Variants in CLSTN2 observed in about 807,000 individuals in gnomAD.
The protein encoded by CLSTN2 is calsyntenin-2.
Under a neutral mutation model 101.2 loss-of-function variants are expected in CLSTN2, and 48 were observed. The observed-to-expected ratio is 0.47, with a 90% CI of 0.38 to 0.60. The LOEUF is 0.60. Ranked by LOEUF, CLSTN2 falls within the 20% of genes least tolerant of loss-of-function variation. CLSTN2 has a pLI of 0.00. For synonymous variants in CLSTN2, 481 were observed against 463.6 expected (o/e 1.04, Z -0.48); for missense variants, 1,160 against 1,238.2 (o/e 0.94, Z 0.95).
chr3:140,266,792 C>G (rs912161046), intron 2 of CLSTN2, among the ~76,000 whole-genome samples: 2 of 152,138 alleles, frequency 1.3e-5, no homozygotes, highest in Non-Finnish European at 2.9e-5. Flanking sequence ...AGACCCAAGC[C>G]GTGGGTCCAT....
intron 9 of CLSTN2, among the ~76,000 whole-genome samples, chr3:140,543,116 G>A (rs1444516451): frequency 6.6e-6 from 1 of 152,120 alleles, no homozygotes; most frequent in African/African-American, 2.4e-5. Context: ...CATGGTGTTG[G>A]GTACATATTG....
At chr3:140,262,274 C>G (rs1324596131) in intron 2 of CLSTN2, among the ~76,000 whole-genome samples, 1 of 152,170 alleles carries the variant, frequency 6.6e-6, no homozygotes, top group Non-Finnish European at 1.5e-5. Flanking sequence ...AGTGGTGAAG[C>G]TGGCCTTCCA....
At chr3:140,441,579 G>T (rs1386819697) in intron 5 of CLSTN2, among the ~76,000 whole-genome samples, 1 of 152,244 alleles carries the variant, frequency 6.6e-6, no homozygotes, top group African/African-American at 2.4e-5. Flanking sequence ...CTGGTAAGCA[G>T]AGAAGGCAGG....
chr3:140,025,211 C>A (rs1304705994), intron 1 of CLSTN2, among the ~76,000 whole-genome samples: 1 of 152,186 alleles, frequency 6.6e-6, no homozygotes, highest in South Asian at 2.1e-4. Flanking sequence ...CTCTTGGATA[C>A]ATCAGAAATG....
In CLSTN2 at chr3:140,394,209, G is replaced by A. The variant is rs114096743; in HGVS notation, c.233-9420G>A. Among the ~76,000 whole-genome samples the A allele has an allele frequency of 4.4e-3, 367 of 83,142 alleles. 2 individuals are homozygous for A. Among genetic ancestry groups the A allele is most frequent in the African/African-American group, 0.011 (346 of 32,322 alleles). 54.5% of individuals were successfully genotyped at this position (83,142 alleles called of 152,430 possible). A position where few individuals can be genotyped will look rare whatever the true frequency, so the allele number is the denominator to read the frequency against. ...AAAAGAAAGTTCTATTCTGATTGTC[G>A]TATGATGACCATAGGACAATGGTTT... On this transcript the variant is annotated intron_variant, in intron 2 of 16. Transcript: ENST00000458420.
chr3:140,151,889 C>A (rs2009873244), intron 1 of CLSTN2, among the ~76,000 whole-genome samples: 1 of 152,088 alleles, frequency 6.6e-6, no homozygotes, highest in Admixed American at 6.5e-5. Flanking sequence ...TTATAAGGAG[C>A]AATATACAGA....
At chr3:140,377,969 T>A (rs1031663782) in intron 2 of CLSTN2, among the ~76,000 whole-genome samples, 5 of 152,210 alleles carry the variant, frequency 3.3e-5, no homozygotes, top group Non-Finnish European at 7.3e-5. Context: ...TTTTACACCA[T>A]ATTTTTACTG....
chr3:140,460,748 C>G (rs1933542243), intron 7 of CLSTN2, among the ~76,000 whole-genome samples: 1 of 152,198 alleles, frequency 6.6e-6, no homozygotes, highest in Non-Finnish European at 1.5e-5. Flanking sequence ...GCAAATTGTA[C>G]AACTCTGCAT....
At chr3:140,056,125 T>C (rs2008092020) in intron 1 of CLSTN2, among the ~76,000 whole-genome samples, 1 of 151,752 alleles carries the variant, frequency 6.6e-6, no homozygotes, top group South Asian at 2.1e-4. Flanking sequence ...CCAGGCCACA[T>C]TGGAGAAGTC....
chr3:140,403,557 G>A, intron 2 of CLSTN2, 72 bp from the exon 3 acceptor site: 3 of 1,291,640 alleles, frequency 2.3e-6, no homozygotes, highest in Non-Finnish European at 3.3e-6. Flanking sequence ...TGTGAATCTG[G>A]TCCAATGGAA....
chr3:140,442,746 T>G (rs1292018427), intron 5 of CLSTN2, among the ~76,000 whole-genome samples: 4 of 152,132 alleles, frequency 2.6e-5, no homozygotes, highest in Non-Finnish European at 2.9e-5. Context: ...GTTCACACCC[T>G]CGCTAAACAT....
At chr3:140,390,433 T>C (rs1235688661) in intron 2 of CLSTN2, among the ~76,000 whole-genome samples, 1 of 152,220 alleles carries the variant, frequency 6.6e-6, no homozygotes, top group African/African-American at 2.4e-5. Flanking sequence ...CTTTATTGAT[T>C]TCTGATTTAT....
chr3:140,314,461 T>A lies in CLSTN2; in HGVS notation c.233-89168T>A, dbSNP rs2087207663. 2.0e-5 allele frequency among the ~76,000 whole-genome samples: 3 copies of A among 152,310 alleles called. No individual in the cohort carries two copies. In the South Asian group the frequency reaches 6.2e-4, roughly 32 times the overall value. On this transcript the variant is annotated intron_variant, in intron 2 of 16. Coordinates refer to ENST00000458420, the MANE Select transcript of CLSTN2 (RefSeq NM_022131.3). The stretch of plus-strand genomic sequence containing the variant: ...TCCCGTTATACTGGATGAGAGCTGC[T>A]AACTCTCAAGATCCCACCCATGTGC...
intron 8 of CLSTN2, among the ~76,000 whole-genome samples, chr3:140,489,536 T>C (rs1399660266): frequency 6.6e-6 from 1 of 152,034 alleles, no homozygotes; most frequent in Non-Finnish European, 1.5e-5. Flanking sequence ...GAAGACTGTC[T>C]GGGAGGGATC....
chr3:140,012,801 A>G (rs2007115254), intron 1 of CLSTN2, among the ~76,000 whole-genome samples: 1 of 152,210 alleles, frequency 6.6e-6, no homozygotes, highest in Non-Finnish European at 1.5e-5. Flanking sequence ...TGGAAGGTTG[A>G]ATTAACACAG....
rs7618970 is a variant in CLSTN2 at position 140,069,682 on chromosome 3, T to C, written c.110-106269T>C. ...TCAGAGAAGTTCACATCTTCCCTTA[T>C]AGCGCATGTTGGCAAAGGCAAGATT... is the stretch of plus-strand genomic sequence containing the variant. On this transcript the variant is annotated intron_variant, in intron 1 of 16. Coordinates refer to ENST00000458420, the MANE Select transcript of CLSTN2 (RefSeq NM_022131.3). Among the ~76,000 whole-genome samples, 1,149 of 152,292 alleles carry C rather than the reference T, an allele frequency of 7.5e-3. 13 individuals are homozygous for C. Among genetic ancestry groups the C allele is most frequent in the African/African-American group, 0.024 (1,017 of 41,558 alleles).
At chr3:140,318,315 A>G (rs1397690819) in intron 2 of CLSTN2, among the ~76,000 whole-genome samples, 1 of 152,168 alleles carries the variant, frequency 6.6e-6, no homozygotes, top group Admixed American at 6.5e-5. Context: ...GGGGCTCGGA[A>G]ATATAAGTAG....
intron 1 of CLSTN2, among the ~76,000 whole-genome samples, chr3:140,143,978 G>A (rs1440791287): frequency 6.6e-6 from 1 of 152,184 alleles, no homozygotes; most frequent in East Asian, 1.9e-4. Context: ...TTTTGGAGTT[G>A]AATGTGCTCC....
intron 5 of CLSTN2, among the ~76,000 whole-genome samples, chr3:140,426,056 A>T (rs2088562284): frequency 6.6e-6 from 1 of 152,226 alleles, no homozygotes; most frequent in Non-Finnish European, 1.5e-5. Flanking sequence ...AGCAGGTCGC[A>T]TGCTAATGAC....
Sources: allele counts gnomAD v4.1 joint callset (sites outside exome capture counted in the v4.1 genomes callset), GRCh38; gene constraint gnomAD v4.1.1; transcripts MANE v1.5; gene names NCBI Gene and HGNC (gene_info 2026-07-23, HGNC 2026-07-21).